Variants in CARMIL1 observed in about 807,000 individuals in gnomAD.
CARMIL1 encodes the protein capping protein regulator and myosin 1 linker 1.
A neutral mutation model predicts 177.1 loss-of-function variants in CARMIL1; 90 were observed. That is an observed-to-expected ratio of 0.51 (90% CI 0.43 to 0.61). The LOEUF is 0.61. Ranked by LOEUF, CARMIL1 falls within the 20% of genes least tolerant of loss-of-function variation. The pLI, the probability that CARMIL1 is intolerant of heterozygous loss-of-function variation, is 0.00. For missense variants in CARMIL1, 1,380 were observed against 1,667.0 expected (o/e 0.83, Z 3.00); for synonymous variants, 577 against 606.2 (o/e 0.95, Z 0.71).
At chr6:25,409,786 A>G (rs1346375045) in intron 2 of CARMIL1, among the ~76,000 whole-genome samples, 1 of 152,186 alleles carries the variant, frequency 6.6e-6, no homozygotes, top group African/African-American at 2.4e-5. Context: ...GTTTTGTGAA[A>G]TAATGCTCAT....
chr6:25,459,266 C>CTTTCTTTCTTTCTTTCTTTCTTTT, intron 8 of CARMIL1, among the ~76,000 whole-genome samples: 1 of 73,768 alleles, frequency 1.4e-5, no homozygotes, highest in Non-Finnish European at 3.0e-5. Flanking sequence ...TTCTTTCTTT[C>CTTTCTTTCTTTCTTTCTTTCTTTT]TTTTTTTTTT....
At chr6:25,407,164 G>A (rs917694419) in intron 2 of CARMIL1, among the ~76,000 whole-genome samples, 1 of 152,130 alleles carries the variant, frequency 6.6e-6, no homozygotes. Flanking sequence ...CTAGATGAGT[G>A]AATTGGAGGC....
At chr6:25,599,848 G>T (rs527652388) in intron 32 of CARMIL1, among the ~76,000 whole-genome samples, 6 of 152,250 alleles carry the variant, frequency 3.9e-5, no homozygotes, top group South Asian at 4.2e-4. Context: ...GGACCATTTG[G>T]AGGTCTGGTT....
chr6:25,340,745 C>T (rs1173324565), intron 2 of CARMIL1, among the ~76,000 whole-genome samples: 2 of 131,214 alleles, frequency 1.5e-5, no homozygotes, highest in African/African-American at 5.7e-5. Flanking sequence ...AGAAACCTCA[C>T]AAAGGAAAGC....
intron 23 of CARMIL1, 140 bp downstream of exon 23, chr6:25,520,477 T>G: frequency 1.7e-6 from 1 of 572,104 alleles, no homozygotes; most frequent in Non-Finnish European, 3.1e-6. Flanking sequence ...CTTATGTTCT[T>G]ATGACCACAA....
chr6:25,450,756 C>G (rs775649484), intron 8 of CARMIL1, 45 bp downstream of exon 8: 1 of 467,660 alleles, frequency 2.1e-6, no homozygotes, highest in Non-Finnish European at 3.5e-6. Flanking sequence ...CCCTCCCTTC[C>G]TCCCTCCCTT....
Position 25,463,819 on chromosome 6 carries a change from C to CTTTTTT in CARMIL1, c.615-2038_615-2033dup, listed in dbSNP as rs68160209. Among the ~76,000 whole-genome samples, 230 of 108,496 alleles carry CTTTTTT rather than the reference C, an allele frequency of 2.1e-3. 4 individuals carry two copies. The highest frequency in any genetic ancestry group is 5.9e-3 in the South Asian group (18 of 3,070). The allele number at this position is 108,496 out of a possible 152,430, so 71.2% of individuals were successfully genotyped here. On this transcript the variant is annotated intron_variant, in intron 8 of 36. Coordinates refer to ENST00000329474, the MANE Select transcript of CARMIL1 (RefSeq NM_017640.6). Reference sequence around the variant, plus strand: ...AATAACTATTGAAAGAGTTGTTCTCCTTTTTTTTTTTTTTTTTTTTTGAGA... The same window carrying CTTTTTT: ...AATAACTATTGAAAGAGTTGTTCTCCTTTTTTTTTTTTTTTTTTTTTTTTTTTGAGA...
At position 25,509,268 on chromosome 6, in the gene CARMIL1, G is replaced by A. The variant is rs779298237; in HGVS notation, c.1396-388G>A. On this transcript the variant is annotated intron_variant, in intron 17 of 36. Coordinates refer to ENST00000329474, the MANE Select transcript of CARMIL1 (RefSeq NM_017640.6). This position sits in a 1 kb window ranked among gnomAD's most constrained non-coding sequence, Gnocchi z 4.1. ...GGTGGAGAGTTTACACCTTGGAATC[G>A]GTAACAGTCAAATAAAACAGTAACT... 2.0e-5 allele frequency among the ~76,000 whole-genome samples: 3 copies of A among 152,036 alleles called. No individual in the cohort carries two copies. The highest frequency in any genetic ancestry group is 1.9e-4 in the East Asian group (1 of 5,192).
chr6:25,538,585 G>A (rs1013921097), intron 25 of CARMIL1, among the ~76,000 whole-genome samples: 1 of 152,170 alleles, frequency 6.6e-6, no homozygotes, highest in Admixed American at 6.5e-5. Context: ...AGGGATGATA[G>A]AAGCATCTTT....
At chr6:25,523,742 A>G (rs753585464) in intron 23 of CARMIL1, among the ~76,000 whole-genome samples, 1 of 152,224 alleles carries the variant, frequency 6.6e-6, no homozygotes. Context: ...CCACAAGGAA[A>G]ACTATCACCC....
chr6:25,308,982 A>T (rs544278518), intron 2 of CARMIL1, among the ~76,000 whole-genome samples: 1 of 152,274 alleles, frequency 6.6e-6, no homozygotes, highest in South Asian at 2.1e-4. Flanking sequence ...GGGATAAGTA[A>T]AATAAATTCT....
At chr6:25,490,622 C>T (rs986285064) in intron 13 of CARMIL1, among the ~76,000 whole-genome samples, 6 of 151,878 alleles carry the variant, frequency 4.0e-5, no homozygotes, top group East Asian at 1.9e-4. Flanking sequence ...GGCTTGATGC[C>T]GGGAAGTGGA....
chr6:25,481,260 G>A (rs1802097797), intron 11 of CARMIL1, among the ~76,000 whole-genome samples: 1 of 152,144 alleles, frequency 6.6e-6, no homozygotes, highest in Non-Finnish European at 1.5e-5. Flanking sequence ...TTTGACTGTG[G>A]AAACACAGTG....
chr6:25,459,438 A>G (rs1799949699), intron 8 of CARMIL1, among the ~76,000 whole-genome samples: 1 of 151,494 alleles, frequency 6.6e-6, no homozygotes, highest in Non-Finnish European at 1.5e-5. Context: ...TTATTTGTAA[A>G]GATGGGATTT....
rs1265838889 is a variant in CARMIL1 at position 25,619,843 on chromosome 6, A to G, written c.*260A>G. 4.4e-6 allele frequency: 1 copy of G among 228,120 alleles called. No homozygotes were observed. The highest frequency in any genetic ancestry group is 8.0e-6 in the Non-Finnish European group (1 of 125,688). The allele number at this position is 228,120 out of a possible 1,614,324, so 14.1% of individuals were successfully genotyped here. Reference sequence around the variant, plus strand: ...AACCCTTTGCATTTGATTTCTAAACATTCCTTCATATGCCTTTAATGAAAG... The same window carrying G: ...AACCCTTTGCATTTGATTTCTAAACGTTCCTTCATATGCCTTTAATGAAAG... On this transcript the variant is annotated 3_prime_UTR_variant, in exon 37 of 37. Coordinates refer to ENST00000329474, the MANE Select transcript of CARMIL1 (RefSeq NM_017640.6).
chr6:25,604,792 A>T lies in CARMIL1; in HGVS notation c.3553-20A>T. 2 of 1,556,000 alleles carry T rather than the reference A, an allele frequency of 1.3e-6. No homozygotes were observed. Among genetic ancestry groups the T allele is most frequent in the Non-Finnish European group, 1.7e-6 (2 of 1,146,288 alleles). ...AAATAAATGTGCACTTTTTGGGGGGATGGTGCTTGAATTTTTTAGAAGCTT... is the reference window on the plus strand; with the variant it reads ...AAATAAATGTGCACTTTTTGGGGGGTTGGTGCTTGAATTTTTTAGAAGCTT... On this transcript the variant is annotated intron_variant, in intron 33 of 36. Coordinates refer to ENST00000329474, the MANE Select transcript of CARMIL1 (RefSeq NM_017640.6).
Position 25,424,087 on chromosome 6 carries a change from C to A in CARMIL1, c.190-2414C>A, listed in dbSNP as rs185705816. On this transcript the variant is annotated intron_variant, in intron 3 of 36. Transcript: ENST00000329474. ...TCAGTATGTTTTAGAGACTTCCCTC[C>A]CCACTATTAATGATAACCTGGGACT... Among the ~76,000 whole-genome samples, 382 of 152,248 alleles carry A rather than the reference C, an allele frequency of 2.5e-3. 5 individuals carry two copies. Among genetic ancestry groups the A allele is most frequent in the Admixed American group, 5.5e-3 (84 of 15,288 alleles).
At chr6:25,372,766 G>A (rs1366507163) in intron 2 of CARMIL1, among the ~76,000 whole-genome samples, 1 of 152,034 alleles carries the variant, frequency 6.6e-6, no homozygotes, top group Non-Finnish European at 1.5e-5. Context: ...TCTGACTAGG[G>A]CTCCTGGTGC....
chr6:25,404,291 T>G (rs535301415), intron 2 of CARMIL1, among the ~76,000 whole-genome samples: 1 of 152,212 alleles, frequency 6.6e-6, no homozygotes, highest in African/African-American at 2.4e-5. Flanking sequence ...GTCCCTTTGC[T>G]GGCTGGCCAG....
Sources: allele counts gnomAD v4.1 joint callset (sites outside exome capture counted in the v4.1 genomes callset), GRCh38; gene constraint gnomAD v4.1.1; non-coding constraint Gnocchi (gnomAD v3.1); transcripts MANE v1.5; gene names NCBI Gene and HGNC (gene_info 2026-07-23, HGNC 2026-07-21).